FGF12: variants seen among roughly 807,000 people sequenced by gnomAD.
FGF12 encodes the protein fibroblast growth factor 12, also known as fibroblast growth factor 12B.
FGF12 carries 14 observed loss-of-function variants against 23.6 expected under a neutral mutation model. The ratio of observed to expected loss-of-function variants is 0.59; its 90% CI spans 0.39 to 0.93. FGF12 has a LOEUF of 0.93. FGF12 is among the 40% of genes least tolerant of loss of function. The pLI, the probability that FGF12 is intolerant of heterozygous loss-of-function variation, is 0.00. For synonymous variants in FGF12, 62 were observed against 77.3 expected (o/e 0.80, Z 1.04); for missense variants, 175 against 217.8 (o/e 0.80, Z 1.24).
At chr3:192,530,799 T>C (rs1348165845) in intron 2 of FGF12, among the ~76,000 whole-genome samples, 2 of 152,010 alleles carry the variant, frequency 1.3e-5, no homozygotes, top group Non-Finnish European at 2.9e-5. Context: ...GGGTAAATTT[T>C]ATGGTATCTG....
intron 2 of FGF12, among the ~76,000 whole-genome samples, chr3:192,576,117 G>T (rs774243413): frequency 6.1e-4 from 93 of 152,176 alleles, no homozygotes; most frequent in Non-Finnish European, 1.5e-4. Flanking sequence ...TCAGGCAATT[G>T]AATGATGTCT....
intron 2 of FGF12, among the ~76,000 whole-genome samples, chr3:192,548,627 T>C (rs981186302): frequency 2.0e-5 from 3 of 152,210 alleles, no homozygotes; most frequent in African/African-American, 7.2e-5. Context: ...AATCAAGGTA[T>C]GTATTAGCCA....
At chr3:192,596,378 T>C (rs1713855803) in intron 2 of FGF12, among the ~76,000 whole-genome samples, 1 of 152,068 alleles carries the variant, frequency 6.6e-6, no homozygotes, top group South Asian at 2.1e-4. Context: ...GCTAATGCTA[T>C]GGACCTGGCA....
intron 2 of FGF12, among the ~76,000 whole-genome samples, chr3:192,520,346 T>C (rs1724786032): frequency 6.6e-6 from 1 of 152,186 alleles, no homozygotes. Flanking sequence ...AAGGCCTGAC[T>C]TCCGTTATTT....
intron 2 of FGF12, among the ~76,000 whole-genome samples, chr3:192,453,996 T>C (rs1362972649): frequency 6.6e-6 from 1 of 152,100 alleles, no homozygotes; most frequent in Non-Finnish European, 1.5e-5. Flanking sequence ...TAATCAAAAT[T>C]TGGCAAAAAG....
At chr3:192,275,867 A>G (rs72607870) in intron 4 of FGF12, among the ~76,000 whole-genome samples, 54,166 of 151,996 alleles carry the variant, frequency 0.36, 10,752 homozygotes, top group East Asian at 0.9. Context: ...AGATAACTCC[A>G]CATTCCAACC....
intron 2 of FGF12, among the ~76,000 whole-genome samples, chr3:192,517,717 G>A (rs1250555557): frequency 6.6e-6 from 1 of 152,168 alleles, no homozygotes. Flanking sequence ...ATCAACATAA[G>A]TTTCTACTTT....
intron 4 of FGF12, among the ~76,000 whole-genome samples, chr3:192,298,253 TTA>T (rs1715152004): frequency 1.3e-5 from 2 of 152,336 alleles, no homozygotes; most frequent in South Asian, 4.1e-4. Flanking sequence ...GAGAAAAATG[TTA>T]TCTGTCCCTT....
chr3:192,392,159 A>C (rs1209961264), intron 2 of FGF12, among the ~76,000 whole-genome samples: 1 of 152,186 alleles, frequency 6.6e-6, no homozygotes, highest in Non-Finnish European at 1.5e-5. Flanking sequence ...TTCTCAGAAG[A>C]CTTGAATTAA....
At chr3:192,393,646 C>A (rs571216573) in intron 2 of FGF12, among the ~76,000 whole-genome samples, 139 of 152,144 alleles carry the variant, frequency 9.1e-4, no homozygotes, top group African/African-American at 3.3e-3. Flanking sequence ...GGTCAAATAC[C>A]AATCACACCT....
At chr3:192,254,481 G>A (rs929487036) in intron 4 of FGF12, among the ~76,000 whole-genome samples, 2 of 151,814 alleles carry the variant, frequency 1.3e-5, no homozygotes, top group African/African-American at 4.8e-5. Flanking sequence ...TTCCTATTAT[G>A]TTACAGCCAT....
intron 2 of FGF12, among the ~76,000 whole-genome samples, chr3:192,452,349 C>G (rs1722549087): frequency 6.6e-6 from 1 of 152,152 alleles, no homozygotes; most frequent in Admixed American, 6.5e-5. Context: ...TTTCTAAGGA[C>G]AAACTCCACT....
chr3:192,618,781 A>T (rs1173951437), intron 2 of FGF12, among the ~76,000 whole-genome samples: 1 of 150,628 alleles, frequency 6.6e-6, no homozygotes, highest in East Asian at 2.0e-4. Context: ...TAAAAAAAAA[A>T]CAGTAAGAGG....
chr3:192,486,125 A>G (rs1401581008), intron 2 of FGF12, among the ~76,000 whole-genome samples: 1 of 152,098 alleles, frequency 6.6e-6, no homozygotes, highest in Non-Finnish European at 1.5e-5. Flanking sequence ...CCAAACCAAC[A>G]CATCCAGGAC....
intron 4 of FGF12, among the ~76,000 whole-genome samples, chr3:192,308,869 A>G (rs937578881): frequency 6.6e-6 from 1 of 152,188 alleles, no homozygotes; most frequent in Non-Finnish European, 1.5e-5. Flanking sequence ...AGAATTATAT[A>G]AAAGAAATTG....
At chr3:192,310,952 G>A (rs1373984314) in intron 4 of FGF12, among the ~76,000 whole-genome samples, 1 of 152,078 alleles carries the variant, frequency 6.6e-6, no homozygotes, top group Non-Finnish European at 1.5e-5. Context: ...GTGTTAAAAT[G>A]TTGTCTCACC....
intron 2 of FGF12, among the ~76,000 whole-genome samples, chr3:192,458,078 C>T (rs1214770852): frequency 6.6e-6 from 1 of 152,200 alleles, no homozygotes; most frequent in African/African-American, 2.4e-5. Flanking sequence ...AAGTCAAGAA[C>T]TGAGGTTTGG....
chr3:192,660,360 T>G (rs1577105341), intron 2 of FGF12, among the ~76,000 whole-genome samples: 2 of 78,632 alleles, frequency 2.5e-5, no homozygotes, highest in South Asian at 5.5e-4. Context: ...GGGCCTGTTG[T>G]GGGGTGGGGG....
chr3:192,528,032 C>G (rs956701939), intron 2 of FGF12, among the ~76,000 whole-genome samples: 2 of 152,144 alleles, frequency 1.3e-5, no homozygotes, highest in African/African-American at 4.8e-5. Context: ...CACAGCCAAA[C>G]CATATCATTC....
Sources: gnomAD v4.1 joint callset for allele counts (sites outside exome capture counted in the v4.1 genomes callset) on GRCh38, gnomAD v4.1.1 for gene constraint, MANE v1.5 for transcripts, NCBI Gene and HGNC (gene_info 2026-07-23, HGNC 2026-07-21) for gene names.